PODXL2: variants seen among roughly 807,000 people sequenced by gnomAD.
PODXL2 encodes podocalyxin-like protein 2.
A neutral mutation model predicts 53.4 loss-of-function variants in PODXL2; 17 were observed. That is an observed-to-expected ratio of 0.32 (90% CI 0.22 to 0.48). PODXL2 has a LOEUF of 0.48. PODXL2 is among the 20% of genes least tolerant of loss of function. PODXL2 has a pLI of 0.99. For synonymous variants in PODXL2, 311 were observed against 306.7 expected, an observed-to-expected ratio of 1.01 and a Z score of -0.15; for missense variants, 673 against 760.0, an observed-to-expected ratio of 0.89 and a Z score of 1.35.
rs2074532687 is a variant in PODXL2, at chr3:127,629,996, G to A, written c.70+707G>A. ...CCATTCAGCAGCCACGCCGGGCGGC[G>A]GGCTGTGTGGGTGCGTGGCGGGCTG... On this transcript the variant is annotated intron_variant, in intron 1 of 7. Transcript: ENST00000342480. The surrounding 1 kb of genome is among the most constrained non-coding windows in gnomAD (Gnocchi z 6.4). Among the ~76,000 whole-genome samples the A allele has an allele frequency of 1.3e-5, 2 of 152,096 alleles. No individual in the cohort carries two copies.
chr3:127,669,644 G>A (rs1043667273), intron 6 of PODXL2, among the ~76,000 whole-genome samples: 3 of 152,202 alleles, frequency 2.0e-5, no homozygotes, highest in South Asian at 4.1e-4. Context: ...GTGACTTGGC[G>A]TGGACGTGTG....
intron 2 of PODXL2, among the ~76,000 whole-genome samples, chr3:127,642,991 C>G (rs2074630320): frequency 1.3e-5 from 2 of 152,148 alleles, no homozygotes; most frequent in African/African-American, 4.8e-5. Context: ...CAGCTCAGTG[C>G]TTGGCACATT....
chr3:127,654,700 A>G (rs577875568), intron 2 of PODXL2, among the ~76,000 whole-genome samples: 3 of 152,124 alleles, frequency 2.0e-5, no homozygotes, highest in Admixed American at 2.0e-4. Flanking sequence ...AAAAATAAAA[A>G]CTCAAGTGCT....
intron 7 of PODXL2, 43 bp from the exon 8 acceptor site, chr3:127,672,225 G>GGGCT (rs2074851861): frequency 1.3e-6 from 2 of 1,508,640 alleles, no homozygotes; most frequent in Non-Finnish European, 8.9e-7. Flanking sequence ...CGCTGTCCGG[G>GGGCT]GGCTGGCTCG....
At chr3:127,660,201 G>A (rs1320487715) in intron 2 of PODXL2, among the ~76,000 whole-genome samples, 177 bp from the exon 3 acceptor site, 2 of 152,086 alleles carry the variant, frequency 1.3e-5, no homozygotes, top group Non-Finnish European at 2.9e-5. Context: ...AAAGGAAACA[G>A]TGACTAGCCT....
intron 1 of PODXL2, among the ~76,000 whole-genome samples, chr3:127,637,576 G>A (rs913397632): frequency 1.3e-5 from 2 of 152,198 alleles, no homozygotes; most frequent in Non-Finnish European, 1.5e-5. Context: ...GGAGAGCAAG[G>A]CTGGTGGTGG....
intron 1 of PODXL2, among the ~76,000 whole-genome samples, chr3:127,636,584 A>T (rs1307077229): frequency 6.6e-6 from 1 of 152,258 alleles, no homozygotes; most frequent in Non-Finnish European, 1.5e-5. Flanking sequence ...ATTCAGACAC[A>T]GGCTCTGGGA....
intron 1 of PODXL2, 94 bp from the exon 2 acceptor site, chr3:127,639,151 C>A: frequency 7.7e-7 from 1 of 1,297,680 alleles, no homozygotes; most frequent in Non-Finnish European, 1.1e-6. Context: ...CCCCCTTCCC[C>A]AGGACCTTTG....
intron 4 of PODXL2, among the ~76,000 whole-genome samples, chr3:127,665,144 C>G (rs891612566): frequency 6.6e-6 from 1 of 152,200 alleles, no homozygotes; most frequent in African/African-American, 2.4e-5. Flanking sequence ...CCTTTATAGC[C>G]TTCTTCCCTC....
chr3:127,648,301 G>A (rs1298081811), intron 2 of PODXL2, among the ~76,000 whole-genome samples: 1 of 152,220 alleles, frequency 6.6e-6, no homozygotes, highest in Non-Finnish European at 1.5e-5. Context: ...GCTGGGACCT[G>A]GAGCTGGTTC....
At chr3:127,647,115 G>A (rs756994247) in intron 2 of PODXL2, among the ~76,000 whole-genome samples, 4 of 152,098 alleles carry the variant, frequency 2.6e-5, no homozygotes, top group Non-Finnish European at 5.9e-5. Context: ...CTTTTCTAAT[G>A]TTGGCTTCAG....
chr3:127,672,390 C>T lies in PODXL2; in HGVS notation c.1728C>T (p.Ala576=), dbSNP rs184585724. The change falls in exon 8 of 8, where the codon GCC becomes GCT. Residue 576 remains alanine (A), a synonymous_variant. Coordinates refer to ENST00000342480, the MANE Select transcript of PODXL2 (RefSeq NM_015720.4). Reference sequence around the variant, plus strand: ...ACCCCAGCCTGAACGGCGGCGGGGCCCTCAACGGCCCGGGGAGCTGGGGGG... The same window carrying T: ...ACCCCAGCCTGAACGGCGGCGGGGCTCTCAACGGCCCGGGGAGCTGGGGGG... The part of the protein sequence containing the change: ...EKHPSLNGGG[A]LNGPGSWGAL... 3.5e-3 allele frequency: 5,438 copies of T among 1,544,826 alleles called. 108 individuals carry two copies. The highest frequency in any genetic ancestry group is 0.035 in the African/African-American group (2,568 of 73,120).
At chr3:127,654,824 C>A (rs1020690820) in intron 2 of PODXL2, among the ~76,000 whole-genome samples, 1 of 152,160 alleles carries the variant, frequency 6.6e-6, no homozygotes, top group African/African-American at 2.4e-5. Context: ...CGGTGGCTTA[C>A]GCCTATAATC....
intron 2 of PODXL2, among the ~76,000 whole-genome samples, chr3:127,650,894 C>T (rs535489993): frequency 1.3e-4 from 20 of 152,080 alleles, no homozygotes; most frequent in Non-Finnish European, 2.4e-4. Flanking sequence ...CTCCTGACCT[C>T]GTGATCCACC....
chr3:127,632,235 G>A (rs1339205759), intron 1 of PODXL2, among the ~76,000 whole-genome samples: 7 of 152,202 alleles, frequency 4.6e-5, no homozygotes, highest in Non-Finnish European at 7.3e-5. Context: ...AAGCCATTCC[G>A]AGGAGCCAGA....
chr3:127,667,261 G>A (rs549623248), intron 4 of PODXL2, among the ~76,000 whole-genome samples: 2 of 152,364 alleles, frequency 1.3e-5, no homozygotes, highest in South Asian at 2.1e-4. Context: ...TGACAACTAC[G>A]GAACAGCTCA....
At chr3:127,631,403 G>A (rs910908690) in intron 1 of PODXL2, among the ~76,000 whole-genome samples, 2 of 152,116 alleles carry the variant, frequency 1.3e-5, no homozygotes, top group Admixed American at 6.6e-5. Flanking sequence ...AGGATCGCTG[G>A]GGTCTTGTTT....
intron 7 of PODXL2, 42 bp from the exon 8 acceptor site, chr3:127,672,226 G>A: frequency 6.6e-7 from 1 of 1,510,622 alleles, no homozygotes; most frequent in Non-Finnish European, 8.9e-7. Context: ...GCTGTCCGGG[G>A]GCTGGCTCGC....
intron 1 of PODXL2, among the ~76,000 whole-genome samples, chr3:127,633,472 TTGTGTGTGTG>T (rs60042269): frequency 0.024 from 3,395 of 140,886 alleles, 125 homozygotes; most frequent in African/African-American, 0.077. Flanking sequence ...ATTACAAATT[TTGTGTGTGTG>T]TGTGTGTGTG....
Sources: gnomAD v4.1 joint callset for allele counts (sites outside exome capture counted in the v4.1 genomes callset) on GRCh38, gnomAD v4.1.1 for gene constraint, Gnocchi (gnomAD v3.1) non-coding constraint, MANE v1.5 for transcripts, NCBI Gene and HGNC (gene_info 2026-07-23, HGNC 2026-07-21) for gene names.